The following CCDC171 variants were observed in gnomAD, a reference collection of about 807,000 sequenced individuals.
CCDC171 encodes coiled-coil domain containing 171, also known as coiled-coil domain-containing protein 171.
Under a neutral mutation model 168.2 loss-of-function variants are expected in CCDC171, and 177 were observed. The observed-to-expected ratio is 1.05, with a 90% CI of 0.93 to 1.19. The LOEUF is 1.19. Ranked by LOEUF, CCDC171 falls within the 50% of genes most tolerant of loss-of-function variation. The probability of loss-of-function intolerance (pLI) is 0.00; values close to 1 mark genes in which losing one functional copy is unlikely to be tolerated. For synonymous variants in CCDC171, 687 were observed against 540.8 expected (o/e 1.27, Z -3.75); for missense variants, 1,991 against 1,539.0 (o/e 1.29, Z -4.91).
intron 2 of CCDC171, among the ~76,000 whole-genome samples, chr9:15,568,911 T>C (rs915335793): frequency 1.3e-5 from 2 of 152,218 alleles, no homozygotes; most frequent in African/African-American, 2.4e-5. Flanking sequence ...TTAGATCCCA[T>C]TGGTCAATTT....
chr9:15,587,710 A>G (rs1163693269), intron 4 of CCDC171: 6 of 455,208 alleles, frequency 1.3e-5, no homozygotes, highest in Admixed American at 7.1e-5. Context: ...ATATTAGTGT[A>G]TAAACTGTAT....
chr9:15,771,157 G>C (rs1292408768), intron 18 of CCDC171, among the ~76,000 whole-genome samples: 1 of 151,730 alleles, frequency 6.6e-6, no homozygotes, highest in Non-Finnish European at 1.5e-5. Flanking sequence ...AAGCAATATT[G>C]TAATCAGCCA....
rs1314288219 is a variant in CCDC171 at position 15,920,495 on chromosome 9, T to G, written c.3753+73T>G. On this transcript the variant is annotated intron_variant, in intron 25 of 25. Coordinates refer to ENST00000380701, the MANE Select transcript of CCDC171 (RefSeq NM_173550.4). ...TACATTTACATTTATGTTTTTAATGTTCATAAGATCATTTGCCAATATATA... is the reference window on the plus strand; with the variant it reads ...TACATTTACATTTATGTTTTTAATGGTCATAAGATCATTTGCCAATATATA... The G allele has an allele frequency of 3.7e-6, 4 of 1,091,508 alleles. No individual in the cohort carries two copies. The African/African-American group carries it at 4.7e-5, about 13-fold the overall frequency. 67.6% of individuals were successfully genotyped at this position (1,091,508 alleles called of 1,614,324 possible).
chr9:16,054,954 C>T (rs535279390), intron 1 of CCDC171, among the ~76,000 whole-genome samples: 5 of 152,282 alleles, frequency 3.3e-5, no homozygotes, highest in South Asian at 4.2e-4. Context: ...AACGTGGAGA[C>T]GAAGCCCCTC....
At chr9:15,628,607 GACAA>G (rs2045383774) in intron 7 of CCDC171, among the ~76,000 whole-genome samples, 1 of 152,246 alleles carries the variant, frequency 6.6e-6, no homozygotes, top group African/African-American at 2.4e-5. Flanking sequence ...GCAGGGCACA[GACAA>G]ACAAAAAGAC....
At chr9:15,936,045 T>G (rs992283871) in intron 25 of CCDC171, among the ~76,000 whole-genome samples, 1 of 152,056 alleles carries the variant, frequency 6.6e-6, no homozygotes, top group Non-Finnish European at 1.5e-5. Flanking sequence ...CTTGATAAGA[T>G]GTGACTGTCA....
chr9:15,993,559 A>G lies in CCDC171; in HGVS notation n.369-27030A>G, dbSNP rs190981898. On this transcript the variant is annotated intron_variant and non_coding_transcript_variant, in intron 3 of 9. Transcript: ENST00000486641. ...GCAAGGACTTCATGTCTAAAACACC[A>G]AAAGCAATGGCAACAAAAGCCAAAA... 2.2e-3 allele frequency among the ~76,000 whole-genome samples: 338 copies of G among 152,340 alleles called. 4 individuals are homozygous for G. The highest frequency in any genetic ancestry group is 7.5e-4 in the Non-Finnish European group (51 of 68,030).
intron 11 of CCDC171, among the ~76,000 whole-genome samples, chr9:15,718,510 G>A (rs570604912): frequency 6.6e-6 from 1 of 152,350 alleles, no homozygotes; most frequent in African/African-American, 2.4e-5. Flanking sequence ...GGTTACAGCA[G>A]GTCTTGGGTG....
chr9:15,569,805 A>G (rs2040057959), intron 2 of CCDC171, among the ~76,000 whole-genome samples: 1 of 149,216 alleles, frequency 6.7e-6, no homozygotes. Context: ...ACAGAGCGAG[A>G]CTCCGTCTCA....
intron 25 of CCDC171, among the ~76,000 whole-genome samples, chr9:15,961,386 G>A (rs904135082): frequency 6.6e-6 from 1 of 152,156 alleles, no homozygotes; most frequent in African/African-American, 2.4e-5. Context: ...TTTGACCACA[G>A]AAGTCGTAAT....
At chr9:15,922,327 A>T (rs2225181) in intron 25 of CCDC171, 87,646 of 177,538 alleles carry the variant, frequency 0.49, 22,943 homozygotes, top group African/African-American at 0.68. Context: ...TTTTATTTTT[A>T]AAAGATATTT....
At chr9:16,076,288 T>C in the CCDC171 span, among the ~76,000 whole-genome samples, 5 of 152,294 alleles carry the variant, frequency 3.3e-5, no homozygotes, top group East Asian at 9.7e-4. Flanking sequence ...CTAAGAGCTT[T>C]CCCTCAACCT....
chr9:15,922,215 G>C (rs1412649252), intron 25 of CCDC171: 1 of 361,612 alleles, frequency 2.8e-6, no homozygotes, highest in African/African-American at 2.0e-5. Flanking sequence ...ATCCTTTTAG[G>C]AGAATGCTGC....
At chr9:15,822,203 A>G (rs60322090) in intron 21 of CCDC171, among the ~76,000 whole-genome samples, 4,155 of 152,266 alleles carry the variant, frequency 0.027, 190 homozygotes, top group African/African-American at 0.096. Context: ...TAACGACTTA[A>G]ATGTCAGACC....
chr9:15,935,126 G>C (rs1826967785), intron 25 of CCDC171, among the ~76,000 whole-genome samples: 1 of 152,098 alleles, frequency 6.6e-6, no homozygotes, highest in South Asian at 2.1e-4. Flanking sequence ...TGATGCCATT[G>C]AATTGTACAC....
intron 25 of CCDC171, among the ~76,000 whole-genome samples, chr9:15,932,180 C>T (rs1454946729): frequency 6.6e-6 from 1 of 151,750 alleles, no homozygotes; most frequent in Non-Finnish European, 1.5e-5. Flanking sequence ...GACTGCATTA[C>T]ATCTATAGAT....
intron 7 of CCDC171, among the ~76,000 whole-genome samples, chr9:15,636,749 CAAA>C (rs35778640): frequency 1.6e-3 from 105 of 64,666 alleles, no homozygotes; most frequent in African/African-American, 4.4e-3. Flanking sequence ...GACCCTGCCT[CAAA>C]AAAAAAAAAA....
At chr9:15,670,540 A>G (rs1226970923) in intron 9 of CCDC171, among the ~76,000 whole-genome samples, 1 of 152,126 alleles carries the variant, frequency 6.6e-6, no homozygotes, top group South Asian at 2.1e-4. Context: ...TAACAGGCAT[A>G]GTATGCCATT....
At chr9:15,891,301 A>T (rs1006588463) in intron 24 of CCDC171, among the ~76,000 whole-genome samples, 6 of 152,144 alleles carry the variant, frequency 3.9e-5, no homozygotes, top group African/African-American at 1.4e-4. Flanking sequence ...TAATGGATTG[A>T]GCAGTTTTTC....
Sources: allele counts gnomAD v4.1 joint callset (sites outside exome capture counted in the v4.1 genomes callset), GRCh38; gene constraint gnomAD v4.1.1; transcripts MANE v1.5; gene names NCBI Gene and HGNC (gene_info 2026-07-23, HGNC 2026-07-21).